Variants in LAMC2 observed in about 807,000 individuals in gnomAD.
The protein encoded by LAMC2 is laminin subunit gamma-2.
In LAMC2, 97 loss-of-function variants were observed where a neutral mutation model predicts 140.2. That is an observed-to-expected ratio of 0.69 (90% CI 0.59 to 0.82). The LOEUF is 0.82. Among genes scored for constraint, LAMC2 ranks in the 40% least tolerant of loss-of-function variants. LAMC2 has a pLI of 0.00. For missense variants in LAMC2, 1,402 were observed against 1,476.1 expected, an observed-to-expected ratio of 0.95 and a Z score of 0.82; for synonymous variants, 513 against 540.2, an observed-to-expected ratio of 0.95 and a Z score of 0.70.
intron 14 of LAMC2, among the ~76,000 whole-genome samples, chr1:183,233,623 TAA>T (rs1009387584): frequency 2.0e-5 from 3 of 152,156 alleles, no homozygotes; most frequent in African/African-American, 7.2e-5. Context: ...AGAAAATAAA[TAA>T]AAATTCTCTA....
At chr1:183,246,169 CAAA>C (rs542775179), downstream of LAMC2, among the ~76,000 whole-genome samples, 5 of 75,678 alleles carry the variant, frequency 6.6e-5, no homozygotes, top group African/African-American at 4.3e-5. Context: ...GACTCCGTCT[CAAA>C]AAAAAAAAAA....
At chr1:183,189,643 T>C (rs979741251) in intron 1 of LAMC2, among the ~76,000 whole-genome samples, 16 of 152,110 alleles carry the variant, frequency 1.1e-4, no homozygotes, top group East Asian at 3.9e-4. Context: ...AAAAGAAACC[T>C]CAGCACTTAA....
chr1:183,253,982 A>G, the LAMC2 span, among the ~76,000 whole-genome samples: 1 of 151,416 alleles, frequency 6.6e-6, no homozygotes. Context: ...TTATCTATTC[A>G]TCCATTGATG....
At chr1:183,248,215 G>T (rs916733419), downstream of LAMC2, 1 of 152,588 alleles carries the variant, frequency 6.6e-6, no homozygotes, top group Non-Finnish European at 1.5e-5. Context: ...CACAGAGAAA[G>T]TTCTTGACCA....
At chr1:183,223,759 A>G (rs1393412989) in intron 7 of LAMC2, among the ~76,000 whole-genome samples, 2 of 152,238 alleles carry the variant, frequency 1.3e-5, no homozygotes. Flanking sequence ...AGAAAATTCC[A>G]GGTGGTTGAG....
chr1:183,236,414 C>G, intron 16 of LAMC2, 46 bp from the exon 17 acceptor site: 9 of 1,413,246 alleles, frequency 6.4e-6, no homozygotes, highest in Middle Eastern at 2.3e-4. Flanking sequence ...AAAGAATTCT[C>G]AAAGTCCTCT....
intron 1 of LAMC2, among the ~76,000 whole-genome samples, chr1:183,190,763 G>C (rs932206165): frequency 6.6e-6 from 1 of 152,106 alleles, no homozygotes; most frequent in African/African-American, 2.4e-5. Flanking sequence ...ATTATACTTA[G>C]AAGTGTTGAT....
downstream of LAMC2, among the ~76,000 whole-genome samples, chr1:183,247,907 A>C (rs142730520): frequency 2.6e-5 from 4 of 152,374 alleles, no homozygotes; most frequent in East Asian, 7.7e-4. Context: ...TCACAAATAT[A>C]ATTTTATTTC....
intron 1 of LAMC2, among the ~76,000 whole-genome samples, chr1:183,196,175 T>C (rs1267193605): frequency 1.3e-5 from 2 of 152,094 alleles, no homozygotes; most frequent in Admixed American, 1.3e-4. Flanking sequence ...TTCACTCTTG[T>C]TGCCCAGGCT....
At position 183,239,720 on chromosome 1, in the gene LAMC2, G is replaced by A. The variant is rs1007150311; in HGVS notation, c.3069+157G>A. On this transcript the variant is annotated intron_variant, in intron 20 of 22. Coordinates refer to ENST00000264144, the MANE Select transcript of LAMC2 (RefSeq NM_005562.3). ...ATTAAAAGACTATGGTAGCAAAGAC[G>A]CATGACAGAGAATGATGTGTTTTTT... is the stretch of plus-strand genomic sequence containing the variant. The A allele has an allele frequency of 1.4e-4, 95 of 676,714 alleles. No homozygotes were observed. The East Asian group carries it at 2.4e-3, about 17-fold the overall frequency. 41.9% of individuals were successfully genotyped at this position (676,714 alleles called of 1,614,324 possible).
At chr1:183,256,626 C>A in the LAMC2 span, among the ~76,000 whole-genome samples, 1 of 152,114 alleles carries the variant, frequency 6.6e-6, no homozygotes, top group Non-Finnish European at 1.5e-5. Flanking sequence ...GTTAAACCAG[C>A]CTTGTGTGCC....
At chr1:183,258,786 G>A in the LAMC2 span, among the ~76,000 whole-genome samples, 3 of 151,776 alleles carry the variant, frequency 2.0e-5, no homozygotes, top group African/African-American at 7.3e-5. Flanking sequence ...TGAATTTGCG[G>A]CCCCCCACCC....
intron 12 of LAMC2, among the ~76,000 whole-genome samples, chr1:183,231,528 G>A (rs1045489979): frequency 2.6e-5 from 4 of 152,132 alleles, no homozygotes; most frequent in Admixed American, 1.3e-4. Flanking sequence ...TTTCCAGCTC[G>A]ATTTCTTTTC....
chr1:183,240,683 G>T, intron 22 of LAMC2: 1 of 1,316,364 alleles, frequency 7.6e-7, no homozygotes, highest in Non-Finnish European at 9.7e-7. Context: ...GAGACAGCTT[G>T]GGAATCCTGC....
chr1:183,251,641 G>T, the LAMC2 span: 2 of 152,792 alleles, frequency 1.3e-5, no homozygotes, highest in Admixed American at 6.5e-5. Flanking sequence ...TAGGGAACCC[G>T]CACTGTGCCA....
At chr1:183,207,208 T>A (rs550933168) in intron 1 of LAMC2, among the ~76,000 whole-genome samples, 83 of 152,314 alleles carry the variant, frequency 5.4e-4, no homozygotes, top group African/African-American at 1.9e-3. Context: ...CCGGGTACTA[T>A]GCTGGGTGTT....
At chr1:183,232,944 C>A (rs1234784886) in intron 14 of LAMC2, 87 bp downstream of exon 14, 1 of 1,239,734 alleles carries the variant, frequency 8.1e-7, no homozygotes, top group Non-Finnish European at 1.2e-6. Context: ...TTCTGTCTCT[C>A]AGTGGCTCAC....
In LAMC2 at chr1:183,232,797, C is replaced by T. The variant is rs1016392715; in HGVS notation, c.2160C>T (p.His720=). 2.5e-6 allele frequency: 4 copies of T among 1,614,138 alleles called. No homozygotes were observed. Among genetic ancestry groups the T allele is most frequent in the Non-Finnish European group, 3.4e-6 (4 of 1,179,982 alleles). ...SQYQNRVRDT[H]RLITQMQLSL... ...ACCAGAACCGAGTTCGGGATACTCACAGGCTCATCACTCAGATGCAGCTGA... is the reference window on the plus strand; with the variant it reads ...ACCAGAACCGAGTTCGGGATACTCATAGGCTCATCACTCAGATGCAGCTGA... The change falls in exon 14 of 23, where the codon CAC becomes CAT. Residue 720 remains histidine (H), a synonymous_variant. Transcript: ENST00000264144.
the LAMC2 span, chr1:183,252,401 CGA>C: frequency 1.9e-6 from 1 of 524,328 alleles, no homozygotes; most frequent in Admixed American, 3.2e-5. Flanking sequence ...GCACTTCCCC[CGA>C]CTCCCACCCC....
Sources: allele counts gnomAD v4.1 joint callset (sites outside exome capture counted in the v4.1 genomes callset), GRCh38; gene constraint gnomAD v4.1.1; transcripts MANE v1.5; gene names NCBI Gene and HGNC (gene_info 2026-07-23, HGNC 2026-07-21).